GRIK4: variants seen among roughly 807,000 people sequenced by gnomAD.
The protein encoded by GRIK4 is glutamate ionotropic receptor kainate type subunit 4, also known as glutamate receptor ionotropic, kainate 4.
GRIK4 carries 40 observed loss-of-function variants against 104.9 expected under a neutral mutation model. That is an observed-to-expected ratio of 0.38 (90% CI 0.30 to 0.50). GRIK4 has a LOEUF of 0.50. GRIK4 is among the 20% of genes least tolerant of loss of function. The pLI is 0.93. For synonymous variants in GRIK4, 485 were observed against 524.9 expected (o/e 0.92, Z 1.04); for missense variants, 1,047 against 1,308.1 (o/e 0.80, Z 3.08).
At chr11:120,637,592 T>C (rs1351251102) in intron 1 of GRIK4, among the ~76,000 whole-genome samples, 2 of 152,196 alleles carry the variant, frequency 1.3e-5, no homozygotes, top group African/African-American at 4.8e-5. Flanking sequence ...GCGAGCCATG[T>C]GGGGTGCAGT....
intron 9 of GRIK4, chr11:120,871,467 G>C (rs1431165920): frequency 2.6e-6 from 1 of 383,904 alleles, no homozygotes; most frequent in Non-Finnish European, 5.2e-6. Flanking sequence ...GATGATGGAT[G>C]GAGGGACTCG....
intron 1 of GRIK4, among the ~76,000 whole-genome samples, chr11:120,623,924 TTCC>T (rs199579484): frequency 6.8e-6 from 1 of 147,194 alleles, no homozygotes; most frequent in African/African-American, 2.5e-5. Flanking sequence ...GCCCTCCCCG[TTCC>T]TCCTCCTCCT....
chr11:120,795,142 A>G (rs1242091179), intron 3 of GRIK4, among the ~76,000 whole-genome samples: 1 of 152,232 alleles, frequency 6.6e-6, no homozygotes, highest in Non-Finnish European at 1.5e-5. Context: ...TACTGCCTAT[A>G]AAGACTCTCC....
intron 19 of GRIK4, among the ~76,000 whole-genome samples, chr11:120,973,645 G>A (rs1363688959): frequency 6.6e-6 from 1 of 152,216 alleles, no homozygotes; most frequent in Admixed American, 6.5e-5. Flanking sequence ...ATAGCTGCTA[G>A]TGCCAGTTTA....
chr11:120,710,968 C>T (rs1279829104), intron 3 of GRIK4, among the ~76,000 whole-genome samples: 1 of 150,266 alleles, frequency 6.7e-6, no homozygotes, highest in Non-Finnish European at 1.5e-5. Flanking sequence ...CACCAGGCGG[C>T]CCGGCCAGCC....
At chr11:120,858,846 CTG>C (rs1434443098) in intron 8 of GRIK4, 3 of 152,184 alleles carry the variant, frequency 2.0e-5, no homozygotes, top group Non-Finnish European at 2.9e-5. Context: ...AATTTCCTAA[CTG>C]TAAGGATTCT....
chr11:120,704,215 C>T (rs1950595020), intron 3 of GRIK4, among the ~76,000 whole-genome samples: 1 of 152,186 alleles, frequency 6.6e-6, no homozygotes, highest in South Asian at 2.1e-4. Flanking sequence ...TGTTTCTTTA[C>T]TTTTCTTATG....
At chr11:120,798,145 G>A (rs920107602) in intron 3 of GRIK4, among the ~76,000 whole-genome samples, 8 of 144,716 alleles carry the variant, frequency 5.5e-5, no homozygotes, top group Non-Finnish European at 9.0e-5. Flanking sequence ...AAGAGAGTGA[G>A]CTCTGCTGTC....
In GRIK4 at chr11:120,986,092, C is replaced by T. The variant is rs1238164588; in HGVS notation, c.2703C>T (p.Leu901=). The part of the protein sequence containing the change: ...KLCGAGEPDQ[L]AQRLAQEAAL... Reference sequence around the variant, plus strand: ...GCGGGGCAGGGGAGCCCGACCAGCTCGCGCAGAGACTGGCGCAGGAGGCCG... The same window carrying T: ...GCGGGGCAGGGGAGCCCGACCAGCTTGCGCAGAGACTGGCGCAGGAGGCCG... The change falls in exon 21 of 21, where the codon CTC becomes CTT. Residue 901 remains leucine (L), a synonymous_variant. Transcript: ENST00000527524. The T allele has an allele frequency of 2.0e-6, 3 of 1,511,588 alleles. No individual in the cohort carries two copies. Among genetic ancestry groups the T allele is most frequent in the Non-Finnish European group, 2.6e-6 (3 of 1,136,536 alleles). 93.6% of individuals were successfully genotyped at this position (1,511,588 alleles called of 1,614,324 possible).
At chr11:120,740,080 T>A (rs947722342) in intron 3 of GRIK4, among the ~76,000 whole-genome samples, 9 of 152,222 alleles carry the variant, frequency 5.9e-5, no homozygotes, top group Non-Finnish European at 1.3e-4. Flanking sequence ...GTGGACTACA[T>A]GGACAATTGG....
intron 3 of GRIK4, among the ~76,000 whole-genome samples, chr11:120,754,890 A>C (rs2135430108): frequency 6.6e-6 from 1 of 152,156 alleles, no homozygotes; most frequent in South Asian, 2.1e-4. Flanking sequence ...CTTTTTATTA[A>C]GTTGTAAGAG....
At chr11:120,731,129 CTTG>C (rs1160444329) in intron 3 of GRIK4, among the ~76,000 whole-genome samples, 1 of 152,044 alleles carries the variant, frequency 6.6e-6, no homozygotes, top group Non-Finnish European at 1.5e-5. Flanking sequence ...GGTGGGCATC[CTTG>C]TTGTGTTCTG....
At chr11:120,727,311 A>G (rs145225045) in intron 3 of GRIK4, among the ~76,000 whole-genome samples, 101 of 152,342 alleles carry the variant, frequency 6.6e-4, no homozygotes, top group Middle Eastern at 6.8e-3. Flanking sequence ...GGTGAGGAAA[A>G]TAAAGACTAA....
At chr11:120,580,209 TTCTTTCTTTCTTTC>T (rs556414535) in intron 1 of GRIK4, among the ~76,000 whole-genome samples, 12 of 120,270 alleles carry the variant, frequency 1.0e-4, no homozygotes, top group African/African-American at 3.7e-4. Context: ...CTTTCTTTCT[TTCTTTCTTTCTTTC>T]TTTCTTTCTT....
intron 1 of GRIK4, among the ~76,000 whole-genome samples, chr11:120,522,912 C>T (rs1010981865): frequency 3.3e-5 from 5 of 152,018 alleles, no homozygotes; most frequent in Admixed American, 2.6e-4. Context: ...CTCCTATGTG[C>T]CAGGCACAGC....
chr11:120,904,708 T>C (rs1190332977), intron 12 of GRIK4, among the ~76,000 whole-genome samples: 1 of 152,238 alleles, frequency 6.6e-6, no homozygotes, highest in Non-Finnish European at 1.5e-5. Flanking sequence ...CTCAGGATCA[T>C]GCCCTTGATT....
chr11:120,709,495 A>T (rs1051470854), intron 3 of GRIK4, among the ~76,000 whole-genome samples: 2 of 152,056 alleles, frequency 1.3e-5, no homozygotes, highest in Non-Finnish European at 2.9e-5. Flanking sequence ...GCAGTTTTGG[A>T]GTTACTTCCT....
chr11:120,814,564 A>C (rs990218103), intron 4 of GRIK4, among the ~76,000 whole-genome samples: 7 of 152,180 alleles, frequency 4.6e-5, no homozygotes, highest in Admixed American at 1.3e-4. Context: ...ACACCACTGC[A>C]CTCCAACCTG....
chr11:120,556,014 T>G (rs975624931), intron 1 of GRIK4, among the ~76,000 whole-genome samples: 6 of 152,136 alleles, frequency 3.9e-5, no homozygotes, highest in African/African-American at 1.4e-4. Context: ...GGAAATGCAT[T>G]TTCAGGAGGT....
Sources: allele counts gnomAD v4.1 joint callset (sites outside exome capture counted in the v4.1 genomes callset), GRCh38; gene constraint gnomAD v4.1.1; transcripts MANE v1.5; gene names NCBI Gene and HGNC (gene_info 2026-07-23, HGNC 2026-07-21).